INPP4B: variants seen among roughly 807,000 people sequenced by gnomAD.
INPP4B encodes the protein inositol polyphosphate 4-phosphatase type II.
INPP4B carries 55 observed loss-of-function variants against 122.5 expected under a neutral mutation model. The ratio of observed to expected loss-of-function variants is 0.45; its 90% CI spans 0.36 to 0.56. INPP4B has a LOEUF of 0.56. Ranked by LOEUF, INPP4B falls within the 20% of genes least tolerant of loss-of-function variation. The pLI, the probability that INPP4B is intolerant of heterozygous loss-of-function variation, is 0.00. For missense variants in INPP4B, 1,000 were observed against 1,097.7 expected, an observed-to-expected ratio of 0.91 and a Z score of 1.26; for synonymous variants, 403 against 388.7, an observed-to-expected ratio of 1.04 and a Z score of -0.43.
At chr4:142,271,213 G>C (rs535868430) in intron 9 of INPP4B, among the ~76,000 whole-genome samples, 4 of 152,304 alleles carry the variant, frequency 2.6e-5, no homozygotes, top group African/African-American at 9.6e-5. Flanking sequence ...AAAGTGCTGG[G>C]ATTACAGACG....
chr4:142,037,062 T>A (rs1744400843), intron 25 of INPP4B, among the ~76,000 whole-genome samples: 1 of 152,228 alleles, frequency 6.6e-6, no homozygotes, highest in Admixed American at 6.5e-5. Context: ...ATGTCATTAG[T>A]TTTGGCCATC....
At chr4:142,186,813 CTTCCA>C (rs1193310568) in intron 15 of INPP4B, among the ~76,000 whole-genome samples, 1 of 152,148 alleles carries the variant, frequency 6.6e-6, no homozygotes, top group Non-Finnish European at 1.5e-5. Flanking sequence ...AGCAAAAATC[CTTCCA>C]TTTACTTAGT....
chr4:142,552,059 G>C (rs1280654131), intron 2 of INPP4B, among the ~76,000 whole-genome samples: 1 of 152,154 alleles, frequency 6.6e-6, no homozygotes, highest in East Asian at 1.9e-4. Context: ...GCATCAACCA[G>C]AGTCCTGGGA....
chr4:142,164,902 G>A (rs545689977), intron 16 of INPP4B, among the ~76,000 whole-genome samples: 115 of 151,600 alleles, frequency 7.6e-4, no homozygotes, highest in African/African-American at 2.8e-3. Context: ...CCATCCTAAT[G>A]CTTCTCTTTC....
At chr4:142,332,213 T>A (rs1021257879) in intron 7 of INPP4B, among the ~76,000 whole-genome samples, 13 of 152,158 alleles carry the variant, frequency 8.5e-5, no homozygotes, top group African/African-American at 2.9e-4. Context: ...ATACCATGTT[T>A]CAGGGACCTC....
chr4:142,833,109 T>C (rs1324463148), intron 1 of INPP4B, among the ~76,000 whole-genome samples: 1 of 152,022 alleles, frequency 6.6e-6, no homozygotes, highest in Non-Finnish European at 1.5e-5. Flanking sequence ...AGGCAAATAA[T>C]ATACACAAGT....
At chr4:142,416,670 T>C (rs549164227) in intron 5 of INPP4B, among the ~76,000 whole-genome samples, 2 of 152,262 alleles carry the variant, frequency 1.3e-5, no homozygotes, top group Admixed American at 1.3e-4. Context: ...GTTGTCTCCA[T>C]CTAGATCATC....
At chr4:142,641,955 C>T (rs904373325) in intron 2 of INPP4B, among the ~76,000 whole-genome samples, 1 of 152,162 alleles carries the variant, frequency 6.6e-6, no homozygotes, top group Non-Finnish European at 1.5e-5. Flanking sequence ...TTAATGATTG[C>T]CATTCTAACT....
chr4:142,376,237 A>G (rs1319136972), intron 7 of INPP4B, among the ~76,000 whole-genome samples: 1 of 152,034 alleles, frequency 6.6e-6, no homozygotes, highest in Non-Finnish European at 1.5e-5. Flanking sequence ...GCATGAAGAT[A>G]TATAGTTCTT....
chr4:142,636,918 G>A (rs1029847069), intron 2 of INPP4B, among the ~76,000 whole-genome samples: 2 of 151,866 alleles, frequency 1.3e-5, no homozygotes, highest in Non-Finnish European at 2.9e-5. Flanking sequence ...CTTTTTCAAT[G>A]ATTCTTCCTA....
intron 1 of INPP4B, among the ~76,000 whole-genome samples, chr4:142,765,708 A>G (rs1772014436): frequency 6.6e-6 from 1 of 152,174 alleles, no homozygotes. Flanking sequence ...AGTTGACAAC[A>G]TAGTATGCCA....
intron 12 of INPP4B, among the ~76,000 whole-genome samples, chr4:142,211,178 C>T (rs1016767529): frequency 6.6e-6 from 1 of 152,016 alleles, no homozygotes; most frequent in African/African-American, 2.4e-5. Flanking sequence ...TGTAATAAAC[C>T]AGACACAGTA....
At chr4:142,039,525 C>T (rs1042985050) in intron 25 of INPP4B, among the ~76,000 whole-genome samples, 1 of 151,640 alleles carries the variant, frequency 6.6e-6, no homozygotes, top group African/African-American at 2.4e-5. Flanking sequence ...TTCGGAAGTA[C>T]CTATGGCCAG....
intron 25 of INPP4B, among the ~76,000 whole-genome samples, chr4:142,057,044 C>T (rs935423218): frequency 2.6e-5 from 4 of 152,110 alleles, no homozygotes; most frequent in East Asian, 3.9e-4. Flanking sequence ...GCTAAGGAGA[C>T]AAGTTTTCTT....
At chr4:142,032,262 C>T (rs965227477) in intron 25 of INPP4B, among the ~76,000 whole-genome samples, 1 of 150,204 alleles carries the variant, frequency 6.7e-6, no homozygotes, top group Non-Finnish European at 1.5e-5. Context: ...AGTGGGAAAG[C>T]CCAGGCTACC....
intron 5 of INPP4B, chr4:142,427,215 C>T (rs748094259): frequency 2.1e-5 from 5 of 241,870 alleles, no homozygotes; most frequent in Non-Finnish European, 3.9e-5. Flanking sequence ...TCTTAAAGTG[C>T]TAAGGAACCT....
At chr4:142,782,186 T>G (rs1184484539) in intron 1 of INPP4B, among the ~76,000 whole-genome samples, 3 of 151,928 alleles carry the variant, frequency 2.0e-5, no homozygotes, top group South Asian at 4.2e-4. Context: ...CCTGTGTCCA[T>G]GTGTTCTCAT....
chr4:142,316,146 C>T (rs979033224), intron 7 of INPP4B, among the ~76,000 whole-genome samples: 20 of 152,154 alleles, frequency 1.3e-4, no homozygotes, highest in Admixed American at 4.6e-4. Context: ...CACAATTTGT[C>T]AGTCATTATA....
intron 10 of INPP4B, among the ~76,000 whole-genome samples, chr4:142,263,808 C>T (rs1022893250): frequency 1.3e-5 from 2 of 151,106 alleles, no homozygotes; most frequent in Admixed American, 1.3e-4. Context: ...GACATTTCTG[C>T]ATAAAGACCA....
Sources: allele counts gnomAD v4.1 joint callset (sites outside exome capture counted in the v4.1 genomes callset), GRCh38; gene constraint gnomAD v4.1.1; transcripts MANE v1.5; gene names NCBI Gene and HGNC (gene_info 2026-07-23, HGNC 2026-07-21).